Variants in KCNC2 observed in about 807,000 individuals in gnomAD.
KCNC2 encodes potassium voltage-gated channel subfamily C member 2.
Under a neutral mutation model 44.5 loss-of-function variants are expected in KCNC2, and 21 were observed. The ratio of observed to expected loss-of-function variants is 0.47; its 90% CI spans 0.33 to 0.68. The LOEUF is 0.68. KCNC2 is among the 30% of genes least tolerant of loss of function. The pLI is 0.01. For missense variants in KCNC2, 589 were observed against 826.2 expected, an observed-to-expected ratio of 0.71 and a Z score of 3.52; for synonymous variants, 391 against 339.1, an observed-to-expected ratio of 1.15 and a Z score of -1.68.
At chr12:75,145,857 G>A (rs949815899) in intron 2 of KCNC2, among the ~76,000 whole-genome samples, 11 of 151,574 alleles carry the variant, frequency 7.3e-5, no homozygotes, top group African/African-American at 2.4e-4. Context: ...ATATATTACT[G>A]TTGTATTATA....
chr12:75,186,777 A>T (rs919177032), intron 2 of KCNC2, among the ~76,000 whole-genome samples: 15 of 152,174 alleles, frequency 9.9e-5, no homozygotes, highest in Non-Finnish European at 4.4e-5. Context: ...AGTTGTTGAT[A>T]CCTTAGCACA....
chr12:75,047,330 A>C (rs965786709), intron 4 of KCNC2, among the ~76,000 whole-genome samples: 2 of 152,070 alleles, frequency 1.3e-5, no homozygotes, highest in East Asian at 1.9e-4. Flanking sequence ...GGAATAAAAA[A>C]CCTTTTAGGG....
chr12:75,181,820 C>G (rs954968546), intron 2 of KCNC2, among the ~76,000 whole-genome samples: 3 of 150,598 alleles, frequency 2.0e-5, no homozygotes, highest in African/African-American at 7.3e-5. Context: ...CAATAATAAG[C>G]CTGTGAAAGC....
chr12:75,085,485 A>T (rs1046945772), intron 2 of KCNC2, among the ~76,000 whole-genome samples: 2 of 151,988 alleles, frequency 1.3e-5, no homozygotes, highest in South Asian at 4.1e-4. Context: ...TGTTTACAAA[A>T]CTATGTTGTA....
intron 2 of KCNC2, among the ~76,000 whole-genome samples, chr12:75,129,656 G>T (rs1175635236): frequency 6.6e-6 from 1 of 152,038 alleles, no homozygotes; most frequent in Non-Finnish European, 1.5e-5. Flanking sequence ...TGTACTGGGT[G>T]AAGAAATAAA....
chr12:75,109,580 G>A (rs1474238695), intron 2 of KCNC2, among the ~76,000 whole-genome samples: 4 of 152,160 alleles, frequency 2.6e-5, no homozygotes, highest in South Asian at 2.1e-4. Flanking sequence ...GGGAGCATCA[G>A]AGAAGTACCT....
At chr12:75,169,336 T>C (rs1030030267) in intron 2 of KCNC2, among the ~76,000 whole-genome samples, 1 of 151,584 alleles carries the variant, frequency 6.6e-6, no homozygotes, top group African/African-American at 2.4e-5. Context: ...ATTCTGAAAC[T>C]AGTTGAATTA....
chr12:75,109,765 G>A (rs1592891556), intron 2 of KCNC2, among the ~76,000 whole-genome samples: 1 of 152,048 alleles, frequency 6.6e-6, no homozygotes, highest in African/African-American at 2.4e-5. Flanking sequence ...TGTGGATAAA[G>A]TTCCAAGAAG....
chr12:75,058,541 G>T (rs1290373484), intron 2 of KCNC2, among the ~76,000 whole-genome samples: 1 of 151,960 alleles, frequency 6.6e-6, no homozygotes, highest in Non-Finnish European at 1.5e-5. Context: ...AGTGATGGAG[G>T]TGAAGGGAGG....
In KCNC2 at chr12:75,042,236, G is replaced by A; in HGVS notation, c.*869C>T. ...TTTTTTTTAAAGAGTCTAGAACCAA[G>A]CAGCAATTTCTGGCTAAACAATGCA... On this transcript the variant is annotated 3_prime_UTR_variant, in exon 5 of 5. Coordinates refer to ENST00000549446, the MANE Select transcript of KCNC2 (RefSeq NM_139137.4). 6.3e-7 allele frequency: 1 copy of A among 1,576,892 alleles called. No homozygotes were observed. The highest frequency in any genetic ancestry group is 8.6e-7 in the Non-Finnish European group (1 of 1,164,684).
rs1041146971 is a variant in KCNC2 at position 75,161,560 on chromosome 12, T to C, written c.687+45737A>G. 1.3e-5 allele frequency among the ~76,000 whole-genome samples: 2 copies of C among 151,754 alleles called. 1 individual carries two copies. Among genetic ancestry groups the C allele is most frequent in the East Asian group, 3.9e-4 (2 of 5,132 alleles). On this transcript the variant is annotated intron_variant, in intron 2 of 4. Transcript: ENST00000549446. ...CAGCTTCATCTTAATAAGAGAACTTTATTGCCATCTTCTCCTCTAGGAACA... is the reference window on the plus strand; with the variant it reads ...CAGCTTCATCTTAATAAGAGAACTTCATTGCCATCTTCTCCTCTAGGAACA...
rs1880058309 is a variant in KCNC2 at position 75,042,787 on chromosome 12, T to A, written c.*318A>T. On this transcript the variant is annotated 3_prime_UTR_variant, in exon 5 of 5. Coordinates refer to ENST00000549446, the MANE Select transcript of KCNC2 (RefSeq NM_139137.4). Reference sequence around the variant, plus strand: ...GGTTGGCATTTGGAAGCACACTGTTTTAAATATATCTCCCTGAAGGTATGT... The same window carrying A: ...GGTTGGCATTTGGAAGCACACTGTTATAAATATATCTCCCTGAAGGTATGT... The A allele has an allele frequency of 8.5e-7, 1 of 1,174,684 alleles. No individual in the cohort carries two copies. 72.8% of individuals were successfully genotyped at this position (1,174,684 alleles called of 1,614,324 possible). A position where few individuals can be genotyped will look rare whatever the true frequency, so the allele number is the denominator to read the frequency against.
At chr12:75,194,770 A>G (rs2030611317) in intron 2 of KCNC2, among the ~76,000 whole-genome samples, 1 of 152,194 alleles carries the variant, frequency 6.6e-6, no homozygotes, top group African/African-American at 2.4e-5. Flanking sequence ...GAGCATAGGT[A>G]GTAACAAGAT....
At chr12:75,190,570 A>G (rs988542440) in intron 2 of KCNC2, among the ~76,000 whole-genome samples, 2 of 152,170 alleles carry the variant, frequency 1.3e-5, no homozygotes, top group Admixed American at 6.5e-5. Flanking sequence ...AGGTTTTAAT[A>G]AACAAAATTG....
At chr12:75,117,047 C>T (rs1293301761) in intron 2 of KCNC2, among the ~76,000 whole-genome samples, 3 of 151,624 alleles carry the variant, frequency 2.0e-5, no homozygotes, top group African/African-American at 7.3e-5. Context: ...TACTCCCTGA[C>T]TCTCATTATC....
At chr12:75,128,529 C>G (rs1349732437) in intron 2 of KCNC2, among the ~76,000 whole-genome samples, 1 of 152,092 alleles carries the variant, frequency 6.6e-6, no homozygotes, top group African/African-American at 2.4e-5. Context: ...TTCCCAAAGA[C>G]AGCAGAGCAT....
At chr12:75,093,570 C>G (rs1363649340) in intron 2 of KCNC2, among the ~76,000 whole-genome samples, 1 of 151,628 alleles carries the variant, frequency 6.6e-6, no homozygotes, top group African/African-American at 2.4e-5. Flanking sequence ...CGGTATTAAT[C>G]ACAACATATT....
chr12:75,206,214 C>T (rs2031674580), intron 2 of KCNC2, among the ~76,000 whole-genome samples: 2 of 152,094 alleles, frequency 1.3e-5, no homozygotes, highest in Admixed American at 1.3e-4. Context: ...TCCCATTCTG[C>T]CCATGGGGTG....
rs550059709 is a variant in KCNC2, at chr12:75,040,225, G to A, written c.*2880C>T. 16 of 152,090 alleles carry A rather than the reference G, an allele frequency of 1.1e-4. 1 individual carries two copies. Among genetic ancestry groups the A allele is most frequent in the Admixed American group, 9.8e-4 (15 of 15,242 alleles). 9.4% of individuals were successfully genotyped at this position (152,090 alleles called of 1,614,324 possible). A position where few individuals can be genotyped will look rare whatever the true frequency, so the allele number is the denominator to read the frequency against. The stretch of plus-strand genomic sequence containing the variant: ...ATGTTCACAAAAGGTCCACGATACA[G>A]GGATTTATAATAGGCTATATGTTAT... On this transcript the variant is annotated 3_prime_UTR_variant, in exon 5 of 5. Transcript: ENST00000549446.
Sources: gnomAD v4.1 joint callset for allele counts (sites outside exome capture counted in the v4.1 genomes callset) on GRCh38, gnomAD v4.1.1 for gene constraint, MANE v1.5 for transcripts, NCBI Gene and HGNC (gene_info 2026-07-23, HGNC 2026-07-21) for gene names.